SH3GLB1: variants seen among roughly 807,000 people sequenced by gnomAD.
SH3GLB1 encodes the protein SH3 domain containing GRB2 like, endophilin B1.
Under a neutral mutation model 42.0 loss-of-function variants are expected in SH3GLB1, and 17 were observed. That is an observed-to-expected ratio of 0.40 (90% CI 0.28 to 0.61). The LOEUF (loss-of-function observed/expected upper bound fraction) is 0.61. SH3GLB1 is among the 20% of genes least tolerant of loss of function. The pLI is 0.36. For synonymous variants in SH3GLB1, 132 were observed against 146.6 expected, an observed-to-expected ratio of 0.90 and a Z score of 0.72; for missense variants, 355 against 426.3, an observed-to-expected ratio of 0.83 and a Z score of 1.47.
At chr1:86,735,294 GTTTC>G (rs1439507860) in intron 7 of SH3GLB1, 115 bp downstream of exon 7, 3 of 624,606 alleles carry the variant, frequency 4.8e-6, no homozygotes, top group African/African-American at 3.8e-5. Flanking sequence ...CTTAGAAATA[GTTTC>G]TTTTTTTTAA....
chr1:86,708,549 C>G (rs1334299829), intron 1 of SH3GLB1, among the ~76,000 whole-genome samples: 1 of 152,166 alleles, frequency 6.6e-6, no homozygotes, highest in East Asian at 1.9e-4. Flanking sequence ...CTCCACTTCC[C>G]TCCTTTTAAA....
chr1:86,727,674 T>C (rs1445369826), intron 5 of SH3GLB1, among the ~76,000 whole-genome samples: 2 of 152,062 alleles, frequency 1.3e-5, no homozygotes, highest in Non-Finnish European at 2.9e-5. Context: ...AATCCAATTT[T>C]AGTCTAAATC....
rs1656191520 is a variant in SH3GLB1, at chr1:86,744,153, T to G, written c.*918T>G. 6.6e-6 allele frequency: 1 copy of G among 152,158 alleles called. No individual in the cohort carries two copies. Among genetic ancestry groups the G allele is most frequent in the Non-Finnish European group, 1.5e-5 (1 of 68,026 alleles). 9.4% of individuals were successfully genotyped at this position (152,158 alleles called of 1,614,324 possible). On this transcript the variant is annotated 3_prime_UTR_variant, in exon 9 of 9. Coordinates refer to ENST00000370558, the MANE Select transcript of SH3GLB1 (RefSeq NM_016009.5). ...CACTCTGAGCTTACTATTAAAACATTGAAAATTTATTAATGAACACAGGCT... is the reference window on the plus strand; with the variant it reads ...CACTCTGAGCTTACTATTAAAACATGGAAAATTTATTAATGAACACAGGCT...
At chr1:86,741,548 T>G (rs1481761338) in intron 7 of SH3GLB1, among the ~76,000 whole-genome samples, 1 of 152,222 alleles carries the variant, frequency 6.6e-6, no homozygotes, top group Non-Finnish European at 1.5e-5. Flanking sequence ...ATTTGTCCTA[T>G]TCTACCATTG....
chr1:86,707,609 C>T (rs1395397136), intron 1 of SH3GLB1, among the ~76,000 whole-genome samples: 2 of 149,048 alleles, frequency 1.3e-5, no homozygotes, highest in Non-Finnish European at 3.0e-5. Context: ...TATGGATAAA[C>T]TTATATCATA....
In SH3GLB1 at chr1:86,724,424, ATTT is replaced by A. The variant is rs1655044175; in HGVS notation, c.570+22_570+24del. 1.1e-5 allele frequency: 17 copies of A among 1,505,360 alleles called. No homozygotes were observed. Among genetic ancestry groups the A allele is most frequent in the Non-Finnish European group, 1.5e-5 (17 of 1,108,824 alleles). The allele number at this position is 1,505,360 out of a possible 1,614,324, so 93.3% of individuals were successfully genotyped here. ...AAATTCAGTAAGTAAATAGAAAAAT[ATTT>A]TTGATTAATAACTTTAAGATTTGTA... On this transcript the variant is annotated intron_variant, in intron 5 of 8. Coordinates refer to ENST00000370558, the MANE Select transcript of SH3GLB1 (RefSeq NM_016009.5).
At chr1:86,720,023 T>TAAAAAA (rs1654782742) in intron 3 of SH3GLB1, among the ~76,000 whole-genome samples, 1 of 143,470 alleles carries the variant, frequency 7.0e-6, no homozygotes, top group African/African-American at 2.7e-5. Flanking sequence ...AAAAACATAG[T>TAAAAAA]AGTAGAATTG....
rs10446 is a variant in SH3GLB1, at chr1:86,747,316, A to G, written c.*4081A>G. The G allele has an allele frequency of 0.32, 48,553 of 152,514 alleles. 10,472 individuals carry two copies. Among genetic ancestry groups the G allele is most frequent in the African/African-American group, 0.62 (25,813 of 41,440 alleles). 9.4% of individuals were successfully genotyped at this position (152,514 alleles called of 1,614,324 possible). A position where few individuals can be genotyped will look rare whatever the true frequency, so the allele number is the denominator to read the frequency against. On this transcript the variant is annotated 3_prime_UTR_variant, in exon 9 of 9. Transcript: ENST00000370558. Reference sequence around the variant, plus strand: ...AAAATGCAAATTTATAAGCCTTTTCAGAGACCTACTGAATCAAACTCTGAG... The same window carrying G: ...AAAATGCAAATTTATAAGCCTTTTCGGAGACCTACTGAATCAAACTCTGAG...
chr1:86,722,034 A>G (rs1272523315), intron 3 of SH3GLB1, among the ~76,000 whole-genome samples: 1 of 81,356 alleles, frequency 1.2e-5, no homozygotes, highest in Admixed American at 1.1e-4. Flanking sequence ...TTTTTTTTTA[A>G]TAGTGACAGG....
At position 86,724,404 on chromosome 1, in the gene SH3GLB1, CAGTA is replaced by C. The variant is rs1370892407; in HGVS notation, c.570+5_570+8del. On this transcript the variant is annotated splice_donor_variant and splice_donor_region_variant and coding_sequence_variant and intron_variant, in exon 5 of 9. Transcript: ENST00000370558. LOFTEE classifies it high-confidence loss of function. Reference sequence around the variant, plus strand: ...GCAAAAGCTGCAGAAACTAGAAATTCAGTAAGTAAATAGAAAAATATTTTTGATT... The same window carrying C: ...GCAAAAGCTGCAGAAACTAGAAATTCAGTAAATAGAAAAATATTTTTGATT... The C allele has an allele frequency of 6.3e-7, 1 of 1,585,164 alleles. No individual in the cohort carries two copies. Among genetic ancestry groups the C allele is most frequent in the East Asian group, 2.3e-5 (1 of 44,366 alleles).
intron 2 of SH3GLB1, among the ~76,000 whole-genome samples, chr1:86,719,149 A>G (rs1039718364): frequency 6.6e-6 from 1 of 152,240 alleles, no homozygotes; most frequent in African/African-American, 2.4e-5. Context: ...TTATGAATGT[A>G]CATTCAGAGT....
chr1:86,704,735 A>G lies in SH3GLB1; in HGVS notation c.-165A>G. ...TGTTCTCCTCCCTCGCCCCGCCTTCATCCTCCCCGTTCACGGAAACGACAG... is the reference window on the plus strand; with the variant it reads ...TGTTCTCCTCCCTCGCCCCGCCTTCGTCCTCCCCGTTCACGGAAACGACAG... On this transcript the variant is annotated 5_prime_UTR_variant, in exon 1 of 9. Transcript: ENST00000370558. The G allele has an allele frequency of 2.1e-6, 1 of 484,872 alleles. No homozygotes were observed. The highest frequency in any genetic ancestry group is 3.6e-6 in the Non-Finnish European group (1 of 275,652). 30.0% of individuals were successfully genotyped at this position (484,872 alleles called of 1,614,324 possible). A position where few individuals can be genotyped will look rare whatever the true frequency, so the allele number is the denominator to read the frequency against.
At chr1:86,736,728 T>TA (rs1176156500) in intron 7 of SH3GLB1, among the ~76,000 whole-genome samples, 1 of 152,202 alleles carries the variant, frequency 6.6e-6, no homozygotes, top group African/African-American at 2.4e-5. Context: ...CAATACAAAG[T>TA]AAAACCAGTG....
At chr1:86,739,877 G>T in intron 7 of SH3GLB1, among the ~76,000 whole-genome samples, 1 of 152,114 alleles carries the variant, frequency 6.6e-6, no homozygotes, top group Non-Finnish European at 1.5e-5. Flanking sequence ...AGGCGCAGTG[G>T]CTCATGCCTG....
At chr1:86,714,752 C>T (rs1020904389) in intron 1 of SH3GLB1, among the ~76,000 whole-genome samples, 3 of 152,108 alleles carry the variant, frequency 2.0e-5, no homozygotes, top group African/African-American at 7.2e-5. Context: ...AGAATTAATG[C>T]TAGTGATATA....
chr1:86,704,726 C>G lies in SH3GLB1; in HGVS notation c.-174C>G, dbSNP rs1197772861. 6.3e-6 allele frequency: 3 copies of G among 476,346 alleles called. No homozygotes were observed. The highest frequency in any genetic ancestry group is 1.1e-5 in the Non-Finnish European group (3 of 269,712). The allele number at this position is 476,346 out of a possible 1,614,324, so 29.5% of individuals were successfully genotyped here. A position where few individuals can be genotyped will look rare whatever the true frequency, so the allele number is the denominator to read the frequency against. On this transcript the variant is annotated 5_prime_UTR_variant, in exon 1 of 9. Transcript: ENST00000370558. ...CCGCGCGCTTGTTCTCCTCCCTCGC[C>G]CCGCCTTCATCCTCCCCGTTCACGG...
Position 86,719,490 on chromosome 1 carries a change from T to A in SH3GLB1, c.215-17T>A. 1 of 1,592,336 alleles carries A rather than the reference T, an allele frequency of 6.3e-7. No homozygotes were observed. ...TTGCTTTTTAGAAATCATTGGTAAT[T>A]TTAACCTTTCTCCTAGATGCCAGGA... On this transcript the variant is annotated splice_polypyrimidine_tract_variant and intron_variant, in intron 2 of 8. Coordinates refer to ENST00000370558, the MANE Select transcript of SH3GLB1 (RefSeq NM_016009.5).
chr1:86,728,626 G>A, intron 5 of SH3GLB1: 1 of 511,730 alleles, frequency 2.0e-6, no homozygotes, highest in East Asian at 3.2e-5. Context: ...AAAAATACTA[G>A]CTGAAGTAAT....
chr1:86,710,526 A>C (rs183803), intron 1 of SH3GLB1, among the ~76,000 whole-genome samples: 24,388 of 152,120 alleles, frequency 0.16, 2,259 homozygotes, highest in African/African-American at 0.26. Flanking sequence ...CAGCCTCCCA[A>C]AGTGCTGGGA....
Sources: allele counts gnomAD v4.1 joint callset (sites outside exome capture counted in the v4.1 genomes callset), GRCh38; gene constraint gnomAD v4.1.1; transcripts MANE v1.5; gene names NCBI Gene and HGNC (gene_info 2026-07-23, HGNC 2026-07-21).